CTNNA3: variants seen among roughly 807,000 people sequenced by gnomAD.
CTNNA3 encodes the protein catenin alpha-3.
CTNNA3 carries 76 observed loss-of-function variants against 95.7 expected under a neutral mutation model. That is an observed-to-expected ratio of 0.79 (90% CI 0.66 to 0.96). CTNNA3 has a LOEUF of 0.96. Among genes scored for constraint, CTNNA3 ranks in the 40% least tolerant of loss-of-function variants. The probability of loss-of-function intolerance (pLI) is 0.00; values close to 1 mark genes in which losing one functional copy is unlikely to be tolerated. For missense variants in CTNNA3, 1,191 were observed against 1,089.8 expected, an observed-to-expected ratio of 1.09 and a Z score of -1.31; for synonymous variants, 431 against 374.4, an observed-to-expected ratio of 1.15 and a Z score of -1.74.
At chr10:66,255,488 C>T (rs1037435149) in intron 13 of CTNNA3, among the ~76,000 whole-genome samples, 8 of 152,130 alleles carry the variant, frequency 5.3e-5, no homozygotes, top group African/African-American at 1.9e-4. Flanking sequence ...CGTAAAATTA[C>T]ATAAAAATTG....
intron 5 of CTNNA3, among the ~76,000 whole-genome samples, chr10:67,374,497 T>A (rs759542431): frequency 6.6e-6 from 1 of 152,234 alleles, no homozygotes; most frequent in Admixed American, 6.5e-5. Context: ...ATTCATATTC[T>A]TATTCATCCG....
intron 3 of CTNNA3, among the ~76,000 whole-genome samples, chr10:67,553,028 GT>G (rs1398380410): frequency 6.6e-6 from 1 of 151,694 alleles, no homozygotes; most frequent in African/African-American, 2.4e-5. Flanking sequence ...AACTTCTCTT[GT>G]TCTGTGATCT....
In CTNNA3 at chr10:67,519,897, C is replaced by T. The variant is rs112533047; in HGVS notation, c.579+1945G>A. Among the ~76,000 whole-genome samples, 914 of 152,174 alleles carry T rather than the reference C, an allele frequency of 6.0e-3. 18 individuals are homozygous for T. The highest frequency in any genetic ancestry group is 0.021 in the African/African-American group (865 of 41,510). The stretch of plus-strand genomic sequence containing the variant: ...TTTGGAGCTTTAAAGGAATAGAATG[C>T]GAGATAAAAGATAAATCCCATCAAG... On this transcript the variant is annotated intron_variant, in intron 5 of 17. Coordinates refer to ENST00000433211, the MANE Select transcript of CTNNA3 (RefSeq NM_013266.4).
At chr10:67,753,230 C>G (rs567535551) in intron 1 of CTNNA3, among the ~76,000 whole-genome samples, 1 of 152,194 alleles carries the variant, frequency 6.6e-6, no homozygotes, top group South Asian at 2.1e-4. Context: ...GAAAGGATTC[C>G]CTATTTAATA....
At chr10:66,909,334 A>AC (rs1307561521) in intron 7 of CTNNA3, among the ~76,000 whole-genome samples, 1 of 151,942 alleles carries the variant, frequency 6.6e-6, no homozygotes, top group African/African-American at 2.4e-5. Context: ...ACACAGAGAA[A>AC]CCCCATCTCT....
intron 11 of CTNNA3, among the ~76,000 whole-genome samples, chr10:66,430,698 A>G (rs1407613129): frequency 1.3e-5 from 2 of 152,196 alleles, no homozygotes; most frequent in African/African-American, 2.4e-5. Flanking sequence ...CTGGCTAGCC[A>G]TATGTAGAAA....
intron 7 of CTNNA3, among the ~76,000 whole-genome samples, chr10:66,894,038 G>GA (rs1162723921): frequency 6.6e-6 from 1 of 151,888 alleles, no homozygotes; most frequent in Non-Finnish European, 1.5e-5. Flanking sequence ...ATAACAGAAA[G>GA]AAAAAAGTTA....
At chr10:66,873,924 G>T (rs1844511744) in intron 7 of CTNNA3, among the ~76,000 whole-genome samples, 1 of 152,128 alleles carries the variant, frequency 6.6e-6, no homozygotes, top group Admixed American at 6.5e-5. Flanking sequence ...GGATGAGTTA[G>T]TCTGGATTCT....
chr10:66,911,021 T>C (rs1325935532), intron 7 of CTNNA3, among the ~76,000 whole-genome samples: 1 of 152,206 alleles, frequency 6.6e-6, no homozygotes, highest in African/African-American at 2.4e-5. Flanking sequence ...GAAGCAATAA[T>C]TCTTTTGTTT....
intron 7 of CTNNA3, among the ~76,000 whole-genome samples, chr10:66,886,850 G>T (rs2132481504): frequency 6.6e-6 from 1 of 152,244 alleles, no homozygotes; most frequent in Middle Eastern, 3.4e-3. Context: ...AGAATTAAAT[G>T]CAAGGCTTAC....
intron 9 of CTNNA3, among the ~76,000 whole-genome samples, chr10:66,757,696 C>A (rs115793574): frequency 6.6e-6 from 1 of 152,108 alleles, no homozygotes; most frequent in Non-Finnish European, 1.5e-5. Flanking sequence ...TGTCCAAAAG[C>A]GTTCAGAAAG....
intron 7 of CTNNA3, among the ~76,000 whole-genome samples, chr10:67,106,935 C>T (rs1858670309): frequency 6.6e-6 from 1 of 152,140 alleles, no homozygotes; most frequent in African/African-American, 2.4e-5. Flanking sequence ...AGAGAAAAGA[C>T]ATCCATATTC....
chr10:67,651,844 T>C (rs1257296325), intron 1 of CTNNA3, among the ~76,000 whole-genome samples: 1 of 152,208 alleles, frequency 6.6e-6, no homozygotes, highest in Non-Finnish European at 1.5e-5. Flanking sequence ...GCCCTTTATT[T>C]ACAAATTAGG....
chr10:66,785,268 A>G (rs766093503), intron 7 of CTNNA3, among the ~76,000 whole-genome samples: 1 of 152,192 alleles, frequency 6.6e-6, no homozygotes, highest in African/African-American at 2.4e-5. Flanking sequence ...CACCTGTGAC[A>G]TCAACTTGAT....
chr10:67,742,185 C>A (rs1223287097), intron 1 of CTNNA3, among the ~76,000 whole-genome samples: 3 of 151,306 alleles, frequency 2.0e-5, no homozygotes, highest in Non-Finnish European at 4.4e-5. Context: ...CACCCCAAAT[C>A]AACAGAATAT....
chr10:66,516,580 G>T (rs1384853686), intron 11 of CTNNA3, among the ~76,000 whole-genome samples: 1 of 152,104 alleles, frequency 6.6e-6, no homozygotes, highest in African/African-American at 2.4e-5. Flanking sequence ...AAAGGTGGGG[G>T]TATTTATGCC....
chr10:67,392,912 G>A (rs377492904), intron 5 of CTNNA3, among the ~76,000 whole-genome samples: 2 of 152,212 alleles, frequency 1.3e-5, no homozygotes, highest in Admixed American at 6.5e-5. Context: ...GTTGTGGGGT[G>A]GGGGGAAGCA....
intron 2 of CTNNA3, among the ~76,000 whole-genome samples, chr10:67,624,756 G>A (rs1264443713): frequency 1.3e-5 from 2 of 152,186 alleles, no homozygotes; most frequent in Middle Eastern, 3.2e-3. Context: ...ATTCTTACCA[G>A]TCAGACTCCC....
intron 12 of CTNNA3, among the ~76,000 whole-genome samples, chr10:66,312,252 C>T (rs1337006232): frequency 6.6e-6 from 1 of 152,082 alleles, no homozygotes; most frequent in Non-Finnish European, 1.5e-5. Flanking sequence ...CAGTGCCATT[C>T]AGTTAAAGGC....
Sources: gnomAD v4.1 joint callset for allele counts (sites outside exome capture counted in the v4.1 genomes callset) on GRCh38, gnomAD v4.1.1 for gene constraint, MANE v1.5 for transcripts, NCBI Gene and HGNC (gene_info 2026-07-23, HGNC 2026-07-21) for gene names.